Variants in NRXN3 observed in about 807,000 individuals in gnomAD.
The protein encoded by NRXN3 is neurexin 3.
In NRXN3, 32 loss-of-function variants were observed where a neutral mutation model predicts 137.6. The ratio of observed to expected loss-of-function variants is 0.23; its 90% confidence interval spans 0.18 to 0.31. The LOEUF is 0.31. Ranked by LOEUF, NRXN3 falls within the 10% of genes least tolerant of loss-of-function variation. The pLI is 1.00. For missense variants in NRXN3, 1,574 were observed against 2,062.5 expected (o/e 0.76, Z 4.59); for synonymous variants, 798 against 784.5 (o/e 1.02, Z -0.29).
intron 4 of NRXN3, among the ~76,000 whole-genome samples, chr14:78,380,180 A>G (rs1286203197): frequency 2.0e-5 from 3 of 152,120 alleles, no homozygotes; most frequent in Non-Finnish European, 4.4e-5. Flanking sequence ...ATTCTCCCTG[A>G]ATTGATATCC....
intron 10 of NRXN3, among the ~76,000 whole-genome samples, chr14:78,868,259 CAGT>C (rs2099092462): frequency 2.0e-5 from 3 of 152,124 alleles, no homozygotes; most frequent in African/African-American, 7.2e-5. Flanking sequence ...ATCTGACACT[CAGT>C]AGTAACTTGA....
intron 4 of NRXN3, among the ~76,000 whole-genome samples, chr14:78,483,981 TACACACACACACACACACACACACAC>T (rs71979335): frequency 4.0e-5 from 5 of 123,644 alleles, no homozygotes; most frequent in Middle Eastern, 3.5e-3. Context: ...GGGATGCTCT[TACACACACACACACACACACACACAC>T]ACACACACAC....
At chr14:79,236,403 G>A (rs932421359) in intron 15 of NRXN3, among the ~76,000 whole-genome samples, 1 of 151,918 alleles carries the variant, frequency 6.6e-6, no homozygotes, top group South Asian at 2.1e-4. Context: ...ATCATAATTT[G>A]CTGATAAGCG....
chr14:79,090,766 C>G (rs1156990476), intron 15 of NRXN3, among the ~76,000 whole-genome samples: 1 of 152,086 alleles, frequency 6.6e-6, no homozygotes, highest in Non-Finnish European at 1.5e-5. Flanking sequence ...CTCAGTGATA[C>G]CAAATATGCA....
At chr14:78,424,292 G>C (rs1035679830) in intron 4 of NRXN3, among the ~76,000 whole-genome samples, 1 of 152,160 alleles carries the variant, frequency 6.6e-6, no homozygotes, top group Non-Finnish European at 1.5e-5. Context: ...CTTCATGTTT[G>C]TCAGTTCTGA....
intron 4 of NRXN3, among the ~76,000 whole-genome samples, chr14:78,435,583 A>G (rs1056326208): frequency 2.0e-5 from 3 of 152,202 alleles, no homozygotes; most frequent in African/African-American, 7.2e-5. Flanking sequence ...ATGTTCTGTG[A>G]AAACAAAAGT....
intron 15 of NRXN3, among the ~76,000 whole-genome samples, chr14:79,451,838 G>A (rs535356046): frequency 1.4e-4 from 21 of 152,268 alleles, no homozygotes; most frequent in Non-Finnish European, 2.2e-4. Context: ...GATCTGCACC[G>A]TGGCAGCCAG....
rs929301827 is a variant in NRXN3, at chr14:79,862,751, T to C, written c.*787T>C. ...CCTATAAGATGCTTTGCTGAACACA[T>C]AGCAAAATTCATGTGACGGATGATA... On this transcript the variant is annotated 3_prime_UTR_variant, in exon 21 of 21. Coordinates refer to ENST00000335750, the MANE Select transcript of NRXN3 (RefSeq NM_001330195.2). The C allele has an allele frequency of 6.6e-6, 1 of 152,634 alleles. No individual in the cohort carries two copies. The allele number at this position is 152,634 out of a possible 1,614,324, so 9.5% of individuals were successfully genotyped here. A position where few individuals can be genotyped will look rare whatever the true frequency, so the allele number is the denominator to read the frequency against.
At chr14:78,346,156 A>G (rs577535161) in intron 4 of NRXN3, among the ~76,000 whole-genome samples, 7 of 152,196 alleles carry the variant, frequency 4.6e-5, no homozygotes, top group South Asian at 2.1e-4. Flanking sequence ...CTTCTGATGC[A>G]TGATTCTCCC....
intron 10 of NRXN3, among the ~76,000 whole-genome samples, chr14:78,822,018 AAGG>A (rs2098952273): frequency 6.6e-6 from 1 of 152,190 alleles, no homozygotes; most frequent in African/African-American, 2.4e-5. Context: ...TAGAAAACAC[AAGG>A]AGTAGGAATC....
chr14:79,129,979 T>A (rs2057193775), intron 15 of NRXN3, among the ~76,000 whole-genome samples: 1 of 151,634 alleles, frequency 6.6e-6, no homozygotes, highest in Non-Finnish European at 1.5e-5. Context: ...AAGTCTGTTT[T>A]ATCAGAGACT....
chr14:78,797,538 T>A (rs562625225), intron 8 of NRXN3, among the ~76,000 whole-genome samples: 1 of 152,250 alleles, frequency 6.6e-6, no homozygotes, highest in South Asian at 2.1e-4. Flanking sequence ...ATAATGAAAT[T>A]TTAATACATA....
intron 16 of NRXN3, among the ~76,000 whole-genome samples, chr14:79,624,046 T>G (rs1258422690): frequency 6.6e-6 from 1 of 152,146 alleles, no homozygotes; most frequent in African/African-American, 2.4e-5. Context: ...TCATGACTAC[T>G]GTTAAAGATA....
chr14:79,593,618 G>A (rs536853729), intron 16 of NRXN3, among the ~76,000 whole-genome samples: 24 of 121,442 alleles, frequency 2.0e-4, no homozygotes, highest in Admixed American at 1.4e-3. Flanking sequence ...ACTACGGAGC[G>A]AGACTCCGTC....
At chr14:79,140,573 C>CTGTGTGTGTGTGTGTG (rs3035591) in intron 15 of NRXN3, among the ~76,000 whole-genome samples, 3 of 143,834 alleles carry the variant, frequency 2.1e-5, no homozygotes, top group African/African-American at 7.8e-5. Flanking sequence ...CCCCACCTCA[C>CTGTGTGTGTGTGTGTG]TGTGTGTGTG....
intron 1 of NRXN3, among the ~76,000 whole-genome samples, chr14:78,235,891 G>A (rs1411934398): frequency 2.6e-5 from 4 of 152,198 alleles, no homozygotes; most frequent in African/African-American, 9.6e-5. Flanking sequence ...CTAGGGTATA[G>A]AGTGGGCTCA....
chr14:78,245,794 G>T (rs986573688), intron 2 of NRXN3, among the ~76,000 whole-genome samples: 4 of 152,162 alleles, frequency 2.6e-5, no homozygotes, highest in Non-Finnish European at 5.9e-5. Context: ...CTGTGGGTGG[G>T]CTGTCAGAGC....
intron 4 of NRXN3, among the ~76,000 whole-genome samples, chr14:78,405,346 C>G (rs1488782441): frequency 6.6e-6 from 1 of 152,136 alleles, no homozygotes; most frequent in Non-Finnish European, 1.5e-5. Flanking sequence ...CTTCTCCATT[C>G]CATAGGCTGG....
intron 4 of NRXN3, among the ~76,000 whole-genome samples, chr14:78,556,956 CCCCCT>C (rs899800929): frequency 1.0e-5 from 1 of 95,332 alleles, no homozygotes; most frequent in Admixed American, 1.0e-4. Flanking sequence ...CTTCTCCCCT[CCCCCT>C]CCCCTCCCCT....
Sources: gnomAD v4.1 joint callset for allele counts (sites outside exome capture counted in the v4.1 genomes callset) on GRCh38, gnomAD v4.1.1 for gene constraint, MANE v1.5 for transcripts, NCBI Gene and HGNC (gene_info 2026-07-23, HGNC 2026-07-21) for gene names.